PCDHA3: variants seen among roughly 807,000 people sequenced by gnomAD.
PCDHA3 encodes protocadherin alpha-3.
In PCDHA3, 41 loss-of-function variants were observed where a neutral mutation model predicts 62.2. That is an observed-to-expected ratio of 0.66 (90% confidence interval 0.51 to 0.86). The LOEUF (loss-of-function observed/expected upper bound fraction) is 0.86, where lower values mean the gene tolerates loss of function less well. Among genes scored for constraint, PCDHA3 ranks in the 40% least tolerant of loss-of-function variants. The pLI, the probability that PCDHA3 is intolerant of heterozygous loss-of-function variation, is 0.00. For missense variants in PCDHA3, 1,304 were observed against 1,241.2 expected (o/e 1.05, Z -0.76); for synonymous variants, 640 against 555.4 (o/e 1.15, Z -2.14).
chr5:140,986,371 G>T (rs1453761888), intron 3 of PCDHA3, among the ~76,000 whole-genome samples: 2 of 152,116 alleles, frequency 1.3e-5, no homozygotes, highest in African/African-American at 2.4e-5. Flanking sequence ...AATGCGTTTT[G>T]GGGGGAGGGA....
chr5:140,834,050 T>C (rs1772774316), intron 1 of PCDHA3, among the ~76,000 whole-genome samples: 1 of 152,196 alleles, frequency 6.6e-6, no homozygotes, highest in African/African-American at 2.4e-5. Flanking sequence ...TAAGAATGCT[T>C]CTAACAATCA....
At chr5:140,904,412 A>C (rs1554191488) in intron 1 of PCDHA3, among the ~76,000 whole-genome samples, 2 of 150,986 alleles carry the variant, frequency 1.3e-5, no homozygotes, top group Non-Finnish European at 2.9e-5. Context: ...TATATATATA[A>C]TACATATATT....
chr5:140,872,828 A>G (rs1393520150), intron 1 of PCDHA3, among the ~76,000 whole-genome samples: 2 of 152,234 alleles, frequency 1.3e-5, no homozygotes, highest in African/African-American at 4.8e-5. Flanking sequence ...CATCTAGCAG[A>G]GAAAAAATTA....
intron 1 of PCDHA3, chr5:140,825,159 C>CT (rs1768465166): frequency 6.6e-6 from 1 of 151,540 alleles, no homozygotes; most frequent in Non-Finnish European, 1.5e-5. Flanking sequence ...TTTAATCTTG[C>CT]TTTTTTCATT....
rs1554121626 is a variant in PCDHA3, at chr5:140,801,674, T to C, written c.477T>C (p.Asp159=). The C allele has an allele frequency of 6.2e-7, 1 of 1,614,236 alleles. No homozygotes were observed. Among genetic ancestry groups the C allele is most frequent in the Non-Finnish European group, 8.5e-7 (1 of 1,180,046 alleles). ...GGTTTTCGCTAGAGGGCGCATCAGA[T>C]GCAGATATCGGAACAAATTCGTTGT... is the stretch of plus-strand genomic sequence containing the variant. ...GSRFSLEGAS[D]ADIGTNSLLT... The change falls in exon 1 of 4, where the codon GAT becomes GAC. Residue 159 remains aspartate (D), a synonymous_variant. Transcript: ENST00000522353.
At chr5:140,871,302 G>A in intron 1 of PCDHA3, 1 of 1,613,972 alleles carries the variant, frequency 6.2e-7, no homozygotes, top group Non-Finnish European at 8.5e-7. Context: ...CGTGCGCGCC[G>A]GGGAAGCCCA....
chr5:140,870,078 G>C (rs2051638531), intron 1 of PCDHA3: 1 of 1,613,720 alleles, frequency 6.2e-7, no homozygotes, highest in African/African-American at 1.3e-5. Flanking sequence ...CAGATAAGGG[G>C]ACTCCCCCAA....
intron 1 of PCDHA3, among the ~76,000 whole-genome samples, chr5:140,902,447 G>A (rs1004773008): frequency 2.6e-5 from 4 of 152,024 alleles, no homozygotes; most frequent in Non-Finnish European, 4.4e-5. Flanking sequence ...TCATATTCTA[G>A]ATCCTAGAGA....
At position 140,801,526 on chromosome 5, in the gene PCDHA3, T is replaced by C; in HGVS notation, c.329T>C (p.Val110Ala). The C allele has an allele frequency of 1.2e-6, 2 of 1,614,202 alleles. No homozygotes were observed. Among genetic ancestry groups the C allele is most frequent in the Middle Eastern group, 1.7e-4 (1 of 6,032 alleles). Residue 110 changes from valine (V) to alanine (A), a missense_variant, in exon 1 of 4, where the codon GTG becomes GCG. Transcript: ENST00000522353. ...TGCAGCATCCACCTGGAGGTGATCGTGGACAGGCCGCTGCAGGTTTTCCAT... is the reference window on the plus strand; with the variant it reads ...TGCAGCATCCACCTGGAGGTGATCGCGGACAGGCCGCTGCAGGTTTTCCAT... ...AECSIHLEVI[V>A]DRPLQVFHVE...
rs2150354219 is a variant in PCDHA3 at position 140,843,163 on chromosome 5, T to G, written c.2394+39572T>G. On this transcript the variant is annotated intron_variant, in intron 1 of 3. Coordinates refer to ENST00000522353, the MANE Select transcript of PCDHA3 (RefSeq NM_018906.3). ...GGCTTTCGTATGAGCTGCAGCCAGCTGCAAGCAGCCCTCGCATCCCGTTCC... is the reference window on the plus strand; with the variant it reads ...GGCTTTCGTATGAGCTGCAGCCAGCGGCAAGCAGCCCTCGCATCCCGTTCC... 3.6e-5 allele frequency: 58 copies of G among 1,595,956 alleles called. 4 individuals carry two copies. The South Asian group carries it at 6.1e-4, about 17-fold the overall frequency.
In PCDHA3 at chr5:140,982,489, A is replaced by G. The variant is rs782634646; in HGVS notation, c.2468A>G (p.Glu823Gly). The change falls in exon 3 of 4, where the codon GAG (glutamate) becomes GGG (glycine). Residue 823 changes from glutamate to glycine, a missense_variant. By Grantham distance (98) the Glu-to-Gly change is moderately conservative. Transcript: ENST00000522353. ...RAGMHSSVHL[E>G]EAGILRAGPG... ...TGTTTATTCAGCTCTGTGCACCTAG[A>G]GGAGGCTGGCATTCTACGGGCTGGT... 3 of 1,614,066 alleles carry G rather than the reference A, an allele frequency of 1.9e-6. No individual in the cohort carries two copies. The African/African-American group carries it at 4.0e-5, about 22-fold the overall frequency.
At chr5:140,931,539 T>C (rs1339633476) in intron 1 of PCDHA3, among the ~76,000 whole-genome samples, 1 of 152,056 alleles carries the variant, frequency 6.6e-6, no homozygotes, top group Non-Finnish European at 1.5e-5. Context: ...AGAGATATAC[T>C]GTTCATATGT....
intron 3 of PCDHA3, among the ~76,000 whole-genome samples, chr5:141,008,297 A>G (rs2098368469): frequency 6.6e-6 from 1 of 152,178 alleles, no homozygotes; most frequent in South Asian, 2.1e-4. Context: ...GTTGTACCCA[A>G]CCCTAAACTG....
In PCDHA3 at chr5:140,848,623, C is replaced by A. The variant is rs186780543; in HGVS notation, c.2394+45032C>A. 2.4e-3 allele frequency: 3,747 copies of A among 1,588,346 alleles called. 451 individuals carry two copies. Among genetic ancestry groups the A allele is most frequent in the Middle Eastern group, 8.5e-3 (48 of 5,656 alleles). On this transcript the variant is annotated intron_variant, in intron 1 of 3. Coordinates refer to ENST00000522353, the MANE Select transcript of PCDHA3 (RefSeq NM_018906.3). ...GTCCCGGAGGAAGCCGAACACGGCA[C>A]CTTCGTGGGCCGCATCGCGCAGGAC...
chr5:140,918,955 T>G lies in PCDHA3; in HGVS notation c.2395-59994T>G, dbSNP rs904506594. Among the ~76,000 whole-genome samples, 3 of 152,258 alleles carry G rather than the reference T, an allele frequency of 2.0e-5. 1 individual carries two copies. Among genetic ancestry groups the G allele is most frequent in the African/African-American group, 7.2e-5 (3 of 41,472 alleles). ...TTTTGTTATAATATCCTGAACAGAC[T>G]AAGACAGATATCGTTTAGGTTAGTT... On this transcript the variant is annotated intron_variant, in intron 1 of 3. Transcript: ENST00000522353.
At chr5:140,858,464 T>C in intron 1 of PCDHA3, 6 of 1,523,496 alleles carry the variant, frequency 3.9e-6, no homozygotes, top group South Asian at 1.2e-5. Context: ...CATTTTCCTT[T>C]TGTGCTTTAT....
intron 1 of PCDHA3, among the ~76,000 whole-genome samples, chr5:140,933,127 A>G (rs1311388252): frequency 6.6e-6 from 1 of 151,992 alleles, no homozygotes; most frequent in East Asian, 1.9e-4. Flanking sequence ...AAGCTAAATA[A>G]TAAAGGTAGA....
intron 1 of PCDHA3, chr5:140,870,955 C>A (rs782342308): frequency 1.9e-6 from 3 of 1,613,632 alleles, no homozygotes; most frequent in Non-Finnish European, 2.5e-6. Flanking sequence ...GGGCGGCTCG[C>A]GCATCCCGTT....
At chr5:140,967,784 C>T in intron 1 of PCDHA3, 3 of 1,614,174 alleles carry the variant, frequency 1.9e-6, no homozygotes, top group South Asian at 1.1e-5. Context: ...GGCGACTGAC[C>T]GGGGTCCAGT....
Sources: allele counts gnomAD v4.1 joint callset (sites outside exome capture counted in the v4.1 genomes callset), GRCh38; gene constraint gnomAD v4.1.1; transcripts MANE v1.5; gene names NCBI Gene and HGNC (gene_info 2026-07-23, HGNC 2026-07-21).